OLFM3: variants seen among roughly 807,000 people sequenced by gnomAD.
OLFM3 encodes the protein olfactomedin 3, also known as noelin-3.
OLFM3 carries 20 observed loss-of-function variants against 48.6 expected under a neutral mutation model. The ratio of observed to expected loss-of-function variants is 0.41; its 90% CI spans 0.29 to 0.60. The LOEUF (loss-of-function observed/expected upper bound fraction) is 0.60, where lower values mean the gene tolerates loss of function less well. Ranked by LOEUF, OLFM3 falls within the 20% of genes least tolerant of loss-of-function variation. The pLI is 0.28. For synonymous variants in OLFM3, 222 were observed against 198.1 expected (o/e 1.12, Z -1.01); for missense variants, 437 against 544.3 (o/e 0.80, Z 1.96).
At chr1:101,817,311 G>A (rs1474626199) in intron 4 of OLFM3, among the ~76,000 whole-genome samples, 2 of 152,226 alleles carry the variant, frequency 1.3e-5, no homozygotes, top group Middle Eastern at 3.4e-3. Context: ...CTCCTGCTAT[G>A]CTCTTCTGTC....
intron 1 of OLFM3, among the ~76,000 whole-genome samples, chr1:101,943,976 C>T (rs888331710): frequency 6.6e-6 from 1 of 151,154 alleles, no homozygotes; most frequent in Non-Finnish European, 1.5e-5. Context: ...GATAAAATAA[C>T]CCCAAAAGAA....
intron 1 of OLFM3, chr1:101,893,377 TG>T: frequency 7.8e-6 from 3 of 386,014 alleles, no homozygotes; most frequent in South Asian, 4.8e-5. Context: ...CCCAGGGCCA[TG>T]GGGAACAGAT....
intron 1 of OLFM3, among the ~76,000 whole-genome samples, chr1:101,871,630 T>C (rs1363763481): frequency 6.6e-6 from 1 of 152,022 alleles, no homozygotes; most frequent in Non-Finnish European, 1.5e-5. Flanking sequence ...TCTCCATAGA[T>C]AAGTCACTCA....
At chr1:101,902,039 G>A (rs776052039) in intron 1 of OLFM3, among the ~76,000 whole-genome samples, 9 of 151,896 alleles carry the variant, frequency 5.9e-5, no homozygotes, top group Admixed American at 2.0e-4. Flanking sequence ...AATAGAACTT[G>A]TCTCTGATGA....
intron 4 of OLFM3, among the ~76,000 whole-genome samples, chr1:101,806,749 T>G (rs1340388884): frequency 6.6e-6 from 1 of 151,670 alleles, no homozygotes; most frequent in Admixed American, 6.6e-5. Context: ...GTAAATGCCT[T>G]ATACAGCTAA....
chr1:101,828,537 C>T (rs1654996867), intron 3 of OLFM3, among the ~76,000 whole-genome samples: 1 of 152,168 alleles, frequency 6.6e-6, no homozygotes, highest in Non-Finnish European at 1.5e-5. Context: ...GGCTGATTTG[C>T]TGCTAGGCAA....
chr1:101,931,421 TC>T (rs1439548281), intron 1 of OLFM3, among the ~76,000 whole-genome samples: 10 of 152,188 alleles, frequency 6.6e-5, no homozygotes, highest in African/African-American at 2.4e-4. Flanking sequence ...GGCACTGCTA[TC>T]CCATGGTATA....
At chr1:101,981,419 T>C (rs1279756276) in intron 1 of OLFM3, among the ~76,000 whole-genome samples, 1 of 152,216 alleles carries the variant, frequency 6.6e-6, no homozygotes, top group African/African-American at 2.4e-5. Flanking sequence ...ATTTCTTCCA[T>C]TTTAGACATT....
At chr1:101,905,137 G>A (rs990885668) in intron 1 of OLFM3, among the ~76,000 whole-genome samples, 1 of 152,080 alleles carries the variant, frequency 6.6e-6, no homozygotes, top group African/African-American at 2.4e-5. Context: ...TTTTTCATTA[G>A]TAAGTCTTCA....
intron 1 of OLFM3, among the ~76,000 whole-genome samples, chr1:101,948,506 G>T (rs147657448): frequency 1.3e-5 from 2 of 151,822 alleles, no homozygotes; most frequent in Admixed American, 6.6e-5. Context: ...GATTTGTTTA[G>T]GTAATTTTTT....
intron 1 of OLFM3, among the ~76,000 whole-genome samples, chr1:101,846,189 A>G (rs1016650845): frequency 2.6e-5 from 4 of 152,236 alleles, no homozygotes; most frequent in African/African-American, 7.2e-5. Context: ...CATTAATTTT[A>G]GATGAATGAA....
At chr1:101,964,243 G>A (rs1660550327) in intron 1 of OLFM3, among the ~76,000 whole-genome samples, 1 of 152,124 alleles carries the variant, frequency 6.6e-6, no homozygotes. Flanking sequence ...AAACATGGGG[G>A]TGGGAGGAAA....
intron 1 of OLFM3, among the ~76,000 whole-genome samples, chr1:101,842,324 A>G (rs1432064877): frequency 6.6e-6 from 1 of 152,088 alleles, no homozygotes; most frequent in Non-Finnish European, 1.5e-5. Flanking sequence ...GCTTGAGCCC[A>G]GGAGTTTGAG....
At chr1:101,995,344 GA>G (rs1015373016) in intron 1 of OLFM3, among the ~76,000 whole-genome samples, 1 of 151,544 alleles carries the variant, frequency 6.6e-6, no homozygotes, top group African/African-American at 2.4e-5. Context: ...GAGTCAAGAA[GA>G]AAAAAAATTA....
rs547772721 is a variant in OLFM3, at chr1:101,868,676, T to A, written c.70-31651A>T. Among the ~76,000 whole-genome samples the A allele has an allele frequency of 5.9e-5, 9 of 152,198 alleles. No individual in the cohort carries two copies. In the South Asian group the frequency reaches 1.9e-3, roughly 32 times the overall value. On this transcript the variant is annotated intron_variant, in intron 1 of 5. Transcript: ENST00000370103. The stretch of plus-strand genomic sequence containing the variant: ...AACCAGATGTTAATCACCAAGACAA[T>A]GGGGAAAATGTCTCCAAGGCATGTT...
chr1:101,868,714 C>G (rs78117587), intron 1 of OLFM3, among the ~76,000 whole-genome samples: 17,515 of 152,218 alleles, frequency 0.12, 1,109 homozygotes, highest in Non-Finnish European at 0.13. Context: ...GGTGGCTCTT[C>G]CCATCACAAG....
chr1:101,957,696 C>T (rs571355535), intron 1 of OLFM3, among the ~76,000 whole-genome samples: 26 of 152,126 alleles, frequency 1.7e-4, no homozygotes, highest in African/African-American at 6.3e-4. Context: ...TAAGTGAGGT[C>T]TCTCTGGGAA....
At chr1:101,905,305 T>C (rs189968295) in intron 1 of OLFM3, among the ~76,000 whole-genome samples, 19 of 152,260 alleles carry the variant, frequency 1.2e-4, no homozygotes, top group Admixed American at 7.2e-4. Context: ...TGGATTGCAA[T>C]TGACTCAATG....
At chr1:101,961,293 A>G (rs1476295005) in intron 1 of OLFM3, among the ~76,000 whole-genome samples, 2 of 152,020 alleles carry the variant, frequency 1.3e-5, no homozygotes, top group African/African-American at 4.8e-5. Context: ...GTAAATGGAA[A>G]ATTTAAGTTC....
Sources: allele counts gnomAD v4.1 joint callset (sites outside exome capture counted in the v4.1 genomes callset), GRCh38; gene constraint gnomAD v4.1.1; transcripts MANE v1.5; gene names NCBI Gene and HGNC (gene_info 2026-07-23, HGNC 2026-07-21).